PTTG1IP2: variants seen among roughly 807,000 people sequenced by gnomAD.
PTTG1IP2 encodes PTTG1IP family member 2.
rs1312775151 is a variant in PTTG1IP2, at chr7:90,487,424, A to T, written c.286+4A>T. 2 of 152,622 alleles carry T rather than the reference A, an allele frequency of 1.3e-5. No homozygotes were observed. The highest frequency in any genetic ancestry group is 2.9e-5 in the Non-Finnish European group (2 of 68,036). The allele number at this position is 152,622 out of a possible 1,614,324, so 9.5% of individuals were successfully genotyped here. A position where few individuals can be genotyped will look rare whatever the true frequency, so the allele number is the denominator to read the frequency against. On this transcript the variant is annotated splice_donor_region_variant and intron_variant, in intron 3 of 6. Transcript: ENST00000509356. ...ATATATTGGTTAAACTGTAAAGGTG[A>T]GTTGTCCTTATTTAGATTTTTATGT... is the stretch of plus-strand genomic sequence containing the variant.
intron 1 of PTTG1IP2, among the ~76,000 whole-genome samples, chr7:90,475,687 G>A (rs545166825): frequency 2.6e-5 from 4 of 152,276 alleles, no homozygotes; most frequent in South Asian, 4.1e-4. Context: ...TGGGCCAGGC[G>A]TGGTGGCTCA....
At chr7:90,478,386 A>G (rs1311989724) in intron 1 of PTTG1IP2, among the ~76,000 whole-genome samples, 1 of 152,024 alleles carries the variant, frequency 6.6e-6, no homozygotes, top group African/African-American at 2.4e-5. Context: ...CTTTTCTTTC[A>G]CTCAACTTTC....
chr7:90,496,491 CT>C (rs1797993063), intron 6 of PTTG1IP2, among the ~76,000 whole-genome samples: 1 of 151,994 alleles, frequency 6.6e-6, no homozygotes, highest in African/African-American at 2.4e-5. Flanking sequence ...GTAATGTCTT[CT>C]CTTTCATTTC....
intron 6 of PTTG1IP2, among the ~76,000 whole-genome samples, chr7:90,503,523 AGT>A (rs1798084942): frequency 6.6e-6 from 1 of 152,194 alleles, no homozygotes. Context: ...TTTGATTGAA[AGT>A]GAGAGATGTG....
At chr7:90,481,880 G>A (rs1403458158) in intron 2 of PTTG1IP2, among the ~76,000 whole-genome samples, 1 of 151,894 alleles carries the variant, frequency 6.6e-6, no homozygotes, top group Non-Finnish European at 1.5e-5. Context: ...ATTAACTCTT[G>A]AGCCATTCAA....
intron 2 of PTTG1IP2, 37 bp from the exon 3 acceptor site, chr7:90,487,290 T>G (rs945079448): frequency 6.5e-6 from 1 of 152,672 alleles, no homozygotes; most frequent in Non-Finnish European, 1.5e-5. Context: ...GTTATTATAC[T>G]TGGACACCAC....
intron 1 of PTTG1IP2, among the ~76,000 whole-genome samples, chr7:90,475,956 AAAAG>A (rs1562983422): frequency 2.0e-5 from 3 of 152,066 alleles, no homozygotes; most frequent in African/African-American, 4.8e-5. Flanking sequence ...AAAAAAAAGA[AAAAG>A]AAAAATATCT....
chr7:90,470,970 A>G, intron 1 of PTTG1IP2, among the ~76,000 whole-genome samples: 1 of 151,228 alleles, frequency 6.6e-6, no homozygotes, highest in South Asian at 2.1e-4. Context: ...GAACAAAAAA[A>G]AAAAAAAAAA....
chr7:90,493,120 A>G (rs1797957669), intron 5 of PTTG1IP2, among the ~76,000 whole-genome samples: 1 of 152,122 alleles, frequency 6.6e-6, no homozygotes, highest in Non-Finnish European at 1.5e-5. Context: ...AGTCCTTTAT[A>G]ATTACTATTA....
chr7:90,475,418 A>G (rs1797736871), intron 1 of PTTG1IP2, among the ~76,000 whole-genome samples: 1 of 152,226 alleles, frequency 6.6e-6, no homozygotes, highest in Non-Finnish European at 1.5e-5. Context: ...TAGCCATGAA[A>G]CAAGAACAGA....
intron 6 of PTTG1IP2, among the ~76,000 whole-genome samples, chr7:90,495,930 C>T (rs2116097721): frequency 6.6e-6 from 1 of 152,294 alleles, no homozygotes; most frequent in Non-Finnish European, 1.5e-5. Context: ...TTTTAGAAGG[C>T]AATCTCTCAG....
At chr7:90,472,338 TAGAAG>T (rs1797701806) in intron 1 of PTTG1IP2, among the ~76,000 whole-genome samples, 1 of 149,890 alleles carries the variant, frequency 6.7e-6, no homozygotes, top group Non-Finnish European at 1.5e-5. Flanking sequence ...TAATCTACCC[TAGAAG>T]AGAACACAAC....
intron 2 of PTTG1IP2, among the ~76,000 whole-genome samples, chr7:90,482,239 TA>T (rs1797821918): frequency 1.3e-5 from 2 of 152,158 alleles, no homozygotes; most frequent in Admixed American, 1.3e-4. Context: ...CTTTTTGGAC[TA>T]AAAGGAGGAT....
intron 2 of PTTG1IP2, among the ~76,000 whole-genome samples, chr7:90,480,634 C>G (rs139001947): frequency 1.8e-3 from 275 of 152,164 alleles, no homozygotes; most frequent in African/African-American, 6.2e-3. Flanking sequence ...CATCCATGAT[C>G]ATATCTAAAA....
chr7:90,474,423 T>C (rs1797724059), intron 1 of PTTG1IP2, among the ~76,000 whole-genome samples: 1 of 152,122 alleles, frequency 6.6e-6, no homozygotes, highest in Non-Finnish European at 1.5e-5. Flanking sequence ...GCAATTCAGA[T>C]CAGACCAATG....
intron 2 of PTTG1IP2, 111 bp from the exon 3 acceptor site, chr7:90,487,216 A>G (rs547671919): frequency 1.3e-5 from 2 of 152,596 alleles, no homozygotes; most frequent in Non-Finnish European, 2.9e-5. Context: ...ACAAATAATA[A>G]TAATAATGGT....
chr7:90,502,477 C>T (rs17865917), intron 6 of PTTG1IP2, among the ~76,000 whole-genome samples: 7,308 of 152,246 alleles, frequency 0.048, 440 homozygotes, highest in East Asian at 0.16. Flanking sequence ...ATTTACTTTA[C>T]CCAGATCCAT....
intron 6 of PTTG1IP2, among the ~76,000 whole-genome samples, chr7:90,498,653 C>T (rs922086246): frequency 2.0e-5 from 3 of 152,104 alleles, no homozygotes; most frequent in Non-Finnish European, 4.4e-5. Context: ...TAAGATGAAA[C>T]TTTTTTCATA....
At chr7:90,472,303 C>CAT (rs1487526355) in intron 1 of PTTG1IP2, among the ~76,000 whole-genome samples, 17 of 148,984 alleles carry the variant, frequency 1.1e-4, no homozygotes, top group Non-Finnish European at 2.4e-4. Flanking sequence ...CACACACACA[C>CAT]ACACACACAC....
Sources: allele counts gnomAD v4.1 joint callset (sites outside exome capture counted in the v4.1 genomes callset), GRCh38; gene constraint gnomAD v4.1.1; transcripts MANE v1.5; gene names NCBI Gene and HGNC (gene_info 2026-07-23, HGNC 2026-07-21).